Variants in SMAP1 observed in about 807,000 individuals in gnomAD.
SMAP1 encodes the protein stromal membrane-associated protein 1.
Under a neutral mutation model 58.5 loss-of-function variants are expected in SMAP1, and 24 were observed. The observed-to-expected ratio is 0.41, with a 90% CI of 0.30 to 0.58. The LOEUF is 0.58. Ranked by LOEUF, SMAP1 falls within the 20% of genes least tolerant of loss-of-function variation. SMAP1 has a pLI of 0.29. For missense variants in SMAP1, 563 were observed against 566.3 expected, an observed-to-expected ratio of 0.99 and a Z score of 0.06; for synonymous variants, 216 against 196.6, an observed-to-expected ratio of 1.10 and a Z score of -0.82.
chr6:70,722,077 A>G lies in SMAP1; in HGVS notation c.119-10301A>G, dbSNP rs182081133. Among the ~76,000 whole-genome samples, 83 of 152,340 alleles carry G rather than the reference A, an allele frequency of 5.4e-4. 1 individual carries two copies. In the East Asian group the frequency reaches 0.014, roughly 27 times the overall value. ...TATCTATAGAACTTACATTTCATCAATTGTCACAATAATGTCAGGGACAAC... is the reference window on the plus strand; with the variant it reads ...TATCTATAGAACTTACATTTCATCAGTTGTCACAATAATGTCAGGGACAAC... On this transcript the variant is annotated intron_variant, in intron 1 of 10. Coordinates refer to ENST00000370455, the MANE Select transcript of SMAP1 (RefSeq NM_001044305.3).
chr6:70,820,706 G>GAAAAAAAAAAAAAA (rs766717489), intron 6 of SMAP1, among the ~76,000 whole-genome samples: 1 of 133,234 alleles, frequency 7.5e-6, no homozygotes, highest in Non-Finnish European at 1.6e-5. Context: ...CTCCATCTCG[G>GAAAAAAAAAAAAAA]AAAAAAAAAA....
chr6:70,793,142 C>T (rs1446769837), intron 5 of SMAP1, among the ~76,000 whole-genome samples: 1 of 152,244 alleles, frequency 6.6e-6, no homozygotes, highest in East Asian at 1.9e-4. Context: ...TCAAGCGACT[C>T]TCCTGCCTCA....
intron 2 of SMAP1, among the ~76,000 whole-genome samples, chr6:70,734,027 G>A (rs948984339): frequency 6.6e-6 from 1 of 151,898 alleles, no homozygotes. Context: ...ACAATGTAAG[G>A]ATTTTAAAAA....
chr6:70,742,138 A>G (rs1176164909), intron 2 of SMAP1, among the ~76,000 whole-genome samples: 2 of 152,240 alleles, frequency 1.3e-5, no homozygotes, highest in African/African-American at 2.4e-5. Flanking sequence ...GTTAATTAAC[A>G]TTTGACTCCT....
intron 1 of SMAP1, 140 bp downstream of exon 1, chr6:70,668,281 G>C: frequency 1.2e-6 from 1 of 830,166 alleles, no homozygotes; most frequent in Non-Finnish European, 1.8e-6. Context: ...GGGTGGCTGA[G>C]CGGGCGGGCG....
intron 5 of SMAP1, 29 bp downstream of exon 5, chr6:70,791,798 A>G (rs1247113675): frequency 1.9e-6 from 3 of 1,573,634 alleles, no homozygotes; most frequent in Non-Finnish European, 2.6e-6. Flanking sequence ...CAGCTACATT[A>G]TGTAGTGTTA....
intron 3 of SMAP1, among the ~76,000 whole-genome samples, chr6:70,770,820 G>A (rs539134246): frequency 1.4e-3 from 215 of 152,306 alleles, no homozygotes; most frequent in Non-Finnish European, 2.3e-3. Flanking sequence ...AGGACGAGAG[G>A]TGCTCTGCTT....
intron 4 of SMAP1, among the ~76,000 whole-genome samples, chr6:70,785,788 T>C (rs962779957): frequency 2.0e-5 from 3 of 152,138 alleles, no homozygotes; most frequent in African/African-American, 7.2e-5. Flanking sequence ...AATAACAGGC[T>C]CTGAAATTGT....
chr6:70,799,383 T>C (rs548649973), intron 6 of SMAP1, among the ~76,000 whole-genome samples: 1 of 152,224 alleles, frequency 6.6e-6, no homozygotes, highest in South Asian at 2.1e-4. Context: ...AAGGGTTTTT[T>C]TGAAAATTAT....
In SMAP1 at chr6:70,859,290, A is replaced by G. The variant is rs562043305; in HGVS notation, c.1270-910A>G. Reference sequence around the variant, plus strand: ...CACCCAGCTCAGGTTAAGGTGCTAGATGAACCAGGAAGGAGTTAATACTGG... The same window carrying G: ...CACCCAGCTCAGGTTAAGGTGCTAGGTGAACCAGGAAGGAGTTAATACTGG... On this transcript the variant is annotated intron_variant, in intron 10 of 10. Transcript: ENST00000370455. 1.7e-5 allele frequency: 25 copies of G among 1,459,772 alleles called. 2 individuals are homozygous for G. In the South Asian group the frequency reaches 3.0e-4, roughly 17 times the overall value. 90.4% of individuals were successfully genotyped at this position (1,459,772 alleles called of 1,614,324 possible). A position where few individuals can be genotyped will look rare whatever the true frequency, so the allele number is the denominator to read the frequency against.
At chr6:70,765,118 A>T (rs1256323708) in intron 3 of SMAP1, among the ~76,000 whole-genome samples, 1 of 152,188 alleles carries the variant, frequency 6.6e-6, no homozygotes, top group African/African-American at 2.4e-5. Context: ...TTGTCTTTAT[A>T]AACAGTGTCC....
intron 3 of SMAP1, among the ~76,000 whole-genome samples, chr6:70,772,436 G>T (rs866843853): frequency 1.9e-4 from 29 of 152,084 alleles, no homozygotes; most frequent in Admixed American, 5.9e-4. Flanking sequence ...GTGTAATTGG[G>T]TTTTTTTCTG....
Position 70,758,375 on chromosome 6 carries a change from T to TG in SMAP1, c.338+3316dup, listed in dbSNP as rs1201396206. Reference sequence around the variant, plus strand: ...TCACACTCTGGGGACTGTGGTGGGGTGGGGGGAGGGGGGAGGGATAGCATT... The same window carrying TG: ...TCACACTCTGGGGACTGTGGTGGGGTGGGGGGGAGGGGGGAGGGATAGCATT... On this transcript the variant is annotated intron_variant, in intron 3 of 10. Transcript: ENST00000370455. Among the ~76,000 whole-genome samples, 8 of 66,938 alleles carry TG rather than the reference T, an allele frequency of 1.2e-4. No individual in the cohort carries two copies. In the East Asian group the frequency reaches 4.4e-3, roughly 37 times the overall value. 43.9% of individuals were successfully genotyped at this position (66,938 alleles called of 152,430 possible).
intron 1 of SMAP1, among the ~76,000 whole-genome samples, chr6:70,709,160 T>C (rs1457626521): frequency 6.6e-6 from 1 of 152,020 alleles, no homozygotes; most frequent in Non-Finnish European, 1.5e-5. Context: ...CCAACCCCAT[T>C]TGTTGAAGAG....
intron 6 of SMAP1, among the ~76,000 whole-genome samples, chr6:70,825,032 T>A (rs1770054717): frequency 6.6e-6 from 1 of 152,206 alleles, no homozygotes; most frequent in Non-Finnish European, 1.5e-5. Context: ...TATACTTATC[T>A]TGTATTCACT....
intron 2 of SMAP1, among the ~76,000 whole-genome samples, chr6:70,738,381 T>C (rs898768933): frequency 5.9e-4 from 89 of 151,686 alleles, no homozygotes; most frequent in African/African-American, 2.1e-3. Context: ...TCAGGTTAAA[T>C]CTGTAAGACA....
At position 70,668,775 on chromosome 6, in the gene SMAP1, T is replaced by C. The variant is rs980464263; in HGVS notation, c.118+634T>C. ...AGAAAGGTCTTTATTAGTAGTAGTA[T>C]TGTTTTTTAGTCTGGTTATTAGCCA... On this transcript the variant is annotated intron_variant, in intron 1 of 10. Transcript: ENST00000370455. 4.6e-6 allele frequency: 7 copies of C among 1,520,306 alleles called. No individual in the cohort carries two copies. The East Asian group carries it at 1.7e-4, about 37-fold the overall frequency. 94.2% of individuals were successfully genotyped at this position (1,520,306 alleles called of 1,614,324 possible).
At chr6:70,857,798 AGCCAAACTGGAATTAAAATGTTT>A (rs1413290547) in intron 9 of SMAP1, 101 bp from the exon 10 acceptor site, 2 of 1,069,616 alleles carry the variant, frequency 1.9e-6, no homozygotes, top group African/African-American at 3.2e-5. Flanking sequence ...TAGTAGGAGC[AGCCAAACTGGAATTAAAATGTTT>A]GCTGTGAGTA....
chr6:70,836,830 T>C (rs1770607696), intron 6 of SMAP1, 111 bp from the exon 7 acceptor site: 1 of 826,734 alleles, frequency 1.2e-6, no homozygotes, highest in African/African-American at 1.8e-5. Context: ...TTATACTATG[T>C]TTCATATTTT....
Sources: gnomAD v4.1 joint callset for allele counts (sites outside exome capture counted in the v4.1 genomes callset) on GRCh38, gnomAD v4.1.1 for gene constraint, MANE v1.5 for transcripts, NCBI Gene and HGNC (gene_info 2026-07-23, HGNC 2026-07-21) for gene names.